The following PDE6A variants were observed in gnomAD, a reference collection of about 807,000 sequenced individuals.
The protein encoded by PDE6A is phosphodiesterase 6A.
A neutral mutation model predicts 106.3 loss-of-function variants in PDE6A; 84 were observed. That is an observed-to-expected ratio of 0.79 (90% CI 0.66 to 0.95). The LOEUF (loss-of-function observed/expected upper bound fraction) is 0.95. PDE6A is among the 40% of genes least tolerant of loss of function. The pLI is 0.00. For missense variants in PDE6A, 1,052 were observed against 1,084.9 expected, an observed-to-expected ratio of 0.97 and a Z score of 0.43; for synonymous variants, 394 against 386.6, an observed-to-expected ratio of 1.02 and a Z score of -0.23.
In PDE6A at chr5:149,884,782, C is replaced by T. The variant is rs1373846588; in HGVS notation, c.1924G>A (p.Glu642Lys). The change falls in exon 15 of 22, where the codon GAG (glutamate) becomes AAG (lysine). Residue 642 changes from glutamate to lysine, a missense_variant and splice_region_variant. Coordinates refer to ENST00000255266, the MANE Select transcript of PDE6A (RefSeq NM_000440.3). ...LEFGKTLLRDESLNIFQNLNR... is the reference protein window; with the variant it reads ...LEFGKTLLRDKSLNIFQNLNR... Reference sequence around the variant, plus strand: ...TAGACCCTTGGCCCTCATCCTACCTCGTCTCTGAGCAGTGTTTTGCCAAAC... The same window carrying T: ...TAGACCCTTGGCCCTCATCCTACCTTGTCTCTGAGCAGTGTTTTGCCAAAC... 5.6e-6 allele frequency: 9 copies of T among 1,613,744 alleles called. No individual in the cohort carries two copies. Among genetic ancestry groups the T allele is most frequent in the East Asian group, 2.2e-5 (1 of 44,900 alleles).
intron 8 of PDE6A, among the ~76,000 whole-genome samples, chr5:149,902,374 T>C (rs1017576009): frequency 6.6e-6 from 1 of 152,044 alleles, no homozygotes; most frequent in African/African-American, 2.4e-5. Context: ...TAATCACCAC[T>C]CGGTGTCTCT....
chr5:149,911,143 A>T (rs1753372156), intron 6 of PDE6A, among the ~76,000 whole-genome samples: 1 of 151,972 alleles, frequency 6.6e-6, no homozygotes, highest in African/African-American at 2.4e-5. Context: ...AGCCTCCCAA[A>T]GTGCTGGGTT....
chr5:149,928,789 A>T (rs1442603417), intron 4 of PDE6A, among the ~76,000 whole-genome samples: 1 of 152,238 alleles, frequency 6.6e-6, no homozygotes, highest in East Asian at 1.9e-4. Context: ...GAACTCCTAC[A>T]AATCAGTGAG....
intron 13 of PDE6A, among the ~76,000 whole-genome samples, chr5:149,888,217 T>C (rs2113563396): frequency 6.6e-6 from 1 of 152,160 alleles, no homozygotes; most frequent in South Asian, 2.1e-4. Flanking sequence ...AGACTAAAAA[T>C]ATTTGGGACT....
chr5:149,927,425 T>C (rs917252775), intron 4 of PDE6A, among the ~76,000 whole-genome samples: 2 of 152,140 alleles, frequency 1.3e-5, no homozygotes, highest in African/African-American at 4.8e-5. Flanking sequence ...AACCTTAGCT[T>C]ACTGTAATTT....
rs1760999687 is a variant in PDE6A at position 149,883,291 on chromosome 5, C to G, written c.2135+138G>C. ...CTTGTGCAATTGGAATTTGGCATAA[C>G]TTCATTTTTTTCATATGTTGAAGGC... On this transcript the variant is annotated intron_variant, in intron 17 of 21. Coordinates refer to ENST00000255266, the MANE Select transcript of PDE6A (RefSeq NM_000440.3). 7.3e-6 allele frequency: 5 copies of G among 687,322 alleles called. No homozygotes were observed. The East Asian group carries it at 1.4e-4, about 19-fold the overall frequency. 42.6% of individuals were successfully genotyped at this position (687,322 alleles called of 1,614,324 possible). A position where few individuals can be genotyped will look rare whatever the true frequency, so the allele number is the denominator to read the frequency against.
In PDE6A at chr5:149,876,326, C is replaced by T. The variant is rs6869758; in HGVS notation, c.2135+7103G>A. Among the ~76,000 whole-genome samples the T allele has an allele frequency of 6.5e-3, 964 of 149,342 alleles. 17 individuals carry two copies. The highest frequency in any genetic ancestry group is 0.021 in the African/African-American group (837 of 40,670). ...TACTAGACTGGAGTCGGATTCAGCA[C>T]CTATTTTTTGCCCATTTTTCCTCTT... On this transcript the variant is annotated intron_variant, in intron 17 of 21. Coordinates refer to ENST00000255266, the MANE Select transcript of PDE6A (RefSeq NM_000440.3).
In PDE6A at chr5:149,931,127, C is replaced by T. The variant is rs879171832; in HGVS notation, c.759G>A (p.Thr253=). The stretch of plus-strand genomic sequence containing the variant: ...CTTTGTGGAACTGTCGTTCGATGTC[C>T]GTAAGTTCTTCAAAGACTTTGCTCC... ...WSGSKVFEEL[T]DIERQFHKAL... is the part of the protein sequence containing the mutation. The change falls in exon 4 of 22, where the codon ACG becomes ACA. Residue 253 remains threonine (T), a synonymous_variant. Transcript: ENST00000255266. 9 of 1,613,950 alleles carry T rather than the reference C, an allele frequency of 5.6e-6. No individual in the cohort carries two copies. The highest frequency in any genetic ancestry group is 3.3e-5 in the Admixed American group (2 of 59,992).
In PDE6A at chr5:149,867,892, A is replaced by G. The variant is rs562699961; in HGVS notation, c.2200-93T>C. On this transcript the variant is annotated intron_variant, in intron 18 of 21. Transcript: ENST00000255266. ...CCCCACTTGCAATTCCAAATCAACA[A>G]AAAGGATAAACCCATCCCTGCCCTG... 713 of 1,311,072 alleles carry G rather than the reference A, an allele frequency of 5.4e-4. 1 individual carries two copies. Among genetic ancestry groups the G allele is most frequent in the Non-Finnish European group, 7.3e-4 (671 of 917,128 alleles). 81.2% of individuals were successfully genotyped at this position (1,311,072 alleles called of 1,614,324 possible). A position where few individuals can be genotyped will look rare whatever the true frequency, so the allele number is the denominator to read the frequency against.
At chr5:149,914,564 T>C (rs143719244) in intron 6 of PDE6A, among the ~76,000 whole-genome samples, 4 of 151,450 alleles carry the variant, frequency 2.6e-5, no homozygotes, top group Admixed American at 6.6e-5. Flanking sequence ...TCTTAGAGAT[T>C]AGGAGAGAGG....
chr5:149,896,723 C>T lies in PDE6A; in HGVS notation c.1461G>A (p.Leu487=). 6.2e-7 allele frequency: 1 copy of T among 1,614,162 alleles called. No homozygotes were observed. The highest frequency in any genetic ancestry group is 8.5e-7 in the Non-Finnish European group (1 of 1,180,034). The change falls in exon 11 of 22, where the codon CTG becomes CTA. Residue 487 remains leucine, a synonymous_variant. Transcript: ENST00000255266. ...CGGTTCAGCTCACCAGGATCTCAGC[C>T]AGCTCCTCTTCCTCACACTCCCATG... ...KEPWECEEEE[L]AEILQAELPD...
intron 3 of PDE6A, chr5:149,932,714 G>A: frequency 6.6e-7 from 1 of 1,517,088 alleles, no homozygotes; most frequent in Admixed American, 1.7e-5. Context: ...CACCAAATGT[G>A]TACCAACTAC....
intron 1 of PDE6A, among the ~76,000 whole-genome samples, chr5:149,940,617 C>T (rs1754303616): frequency 6.6e-6 from 1 of 151,140 alleles, no homozygotes; most frequent in South Asian, 2.1e-4. Flanking sequence ...CCTGCCTCAG[C>T]CTCCCGAGTA....
intron 17 of PDE6A, among the ~76,000 whole-genome samples, chr5:149,870,941 GAGAAGAGAAA>G (rs1254761306): frequency 2.1e-5 from 3 of 140,654 alleles, no homozygotes; most frequent in East Asian, 2.0e-4. Flanking sequence ...AGGAAGAGAA[GAGAAGAGAAA>G]AGAAAAGAAA....
chr5:149,867,504 G>T lies in PDE6A; in HGVS notation c.2274+221C>A, dbSNP rs1247664791. On this transcript the variant is annotated intron_variant, in intron 19 of 21. Coordinates refer to ENST00000255266, the MANE Select transcript of PDE6A (RefSeq NM_000440.3). ...CAGGGGCCCACCCCCAGAGCTTCTG[G>T]TTGGGTAGACCTAGGGTGAGGCTTG... is the stretch of plus-strand genomic sequence containing the variant. The T allele has an allele frequency of 1.1e-5, 7 of 621,018 alleles. 1 individual carries two copies. The South Asian group carries it at 1.3e-4, about 11-fold the overall frequency. The allele number at this position is 621,018 out of a possible 1,614,324, so 38.5% of individuals were successfully genotyped here.
intron 19 of PDE6A, chr5:149,866,600 T>C (rs2113504453): frequency 4.0e-6 from 1 of 250,614 alleles, no homozygotes; most frequent in East Asian, 9.1e-5. Context: ...CTTGATTAGA[T>C]CCTGATTTGA....
Position 149,886,240 on chromosome 5 carries a change from G to A in PDE6A, c.1838+25C>T, listed in dbSNP as rs75283260. ...GCTGGATAATGAATCCGGAGGGTTG[G>A]GTGTGGGGAGGGAGGCTGACTCACT... On this transcript the variant is annotated intron_variant, in intron 14 of 21. Coordinates refer to ENST00000255266, the MANE Select transcript of PDE6A (RefSeq NM_000440.3). The A allele has an allele frequency of 1.5e-3, 2,244 of 1,494,158 alleles. 42 individuals are homozygous for A. The East Asian group carries it at 0.039, about 26-fold the overall frequency. The allele number at this position is 1,494,158 out of a possible 1,614,324, so 92.6% of individuals were successfully genotyped here. A position where few individuals can be genotyped will look rare whatever the true frequency, so the allele number is the denominator to read the frequency against.
In PDE6A at chr5:149,863,306, C is replaced by T; in HGVS notation, c.2359-40G>A. 3.1e-6 allele frequency: 5 copies of T among 1,611,130 alleles called. No individual in the cohort carries two copies. The highest frequency in any genetic ancestry group is 4.2e-6 in the Non-Finnish European group (5 of 1,177,520). ...ATGTGCCTCTGGTGCAAGGGCCAGG[C>T]CACAGGGTCTGGGCTCAAGCGGGTG... On this transcript the variant is annotated intron_variant, in intron 20 of 21. Coordinates refer to ENST00000255266, the MANE Select transcript of PDE6A (RefSeq NM_000440.3). The surrounding 1 kb of genome is among the most constrained non-coding windows in gnomAD (Gnocchi z 4.7).
intron 13 of PDE6A, among the ~76,000 whole-genome samples, chr5:149,887,233 T>C (rs1752340632): frequency 6.6e-6 from 1 of 152,216 alleles, no homozygotes; most frequent in South Asian, 2.1e-4. Context: ...AATAGAACAC[T>C]ATGCAGCCAC....
Sources: gnomAD v4.1 joint callset for allele counts (sites outside exome capture counted in the v4.1 genomes callset) on GRCh38, gnomAD v4.1.1 for gene constraint, Gnocchi (gnomAD v3.1) non-coding constraint, MANE v1.5 for transcripts, NCBI Gene and HGNC (gene_info 2026-07-23, HGNC 2026-07-21) for gene names.